The following SEMA5A variants were observed in gnomAD, a reference collection of about 807,000 sequenced individuals.
The protein encoded by SEMA5A is semaphorin-5A.
Under a neutral mutation model 135.5 loss-of-function variants are expected in SEMA5A, and 55 were observed. That is an observed-to-expected ratio of 0.41 (90% CI 0.33 to 0.51). The LOEUF is 0.51. Ranked by LOEUF, SEMA5A falls within the 20% of genes least tolerant of loss-of-function variation. The pLI is 0.37. For synonymous variants in SEMA5A, 580 were observed against 546.5 expected (o/e 1.06, Z -0.85); for missense variants, 1,290 against 1,419.9 (o/e 0.91, Z 1.47).
chr5:9,460,649 T>C (rs1006869687), intron 1 of SEMA5A, among the ~76,000 whole-genome samples: 1 of 152,172 alleles, frequency 6.6e-6, no homozygotes, highest in Non-Finnish European at 1.5e-5. Context: ...AAAATGATTT[T>C]CAGTCTTGAA....
chr5:9,157,372 G>C (rs1192688422), intron 11 of SEMA5A, among the ~76,000 whole-genome samples: 1 of 152,320 alleles, frequency 6.6e-6, no homozygotes, highest in East Asian at 1.9e-4. Context: ...TCAACCGTTA[G>C]GGACTGGAGA....
chr5:9,337,891 G>T, intron 3 of SEMA5A, 79 bp from the exon 4 acceptor site: 1 of 922,372 alleles, frequency 1.1e-6, no homozygotes, highest in Non-Finnish European at 1.6e-6. Flanking sequence ...TGCACATCAG[G>T]TAGCAGACGT....
At chr5:9,432,431 G>A (rs1422307718) in intron 2 of SEMA5A, among the ~76,000 whole-genome samples, 2 of 152,086 alleles carry the variant, frequency 1.3e-5, no homozygotes, top group Non-Finnish European at 2.9e-5. Context: ...AAGAAACACC[G>A]TCAGCAACTC....
At position 9,039,699 on chromosome 5, in the gene SEMA5A, G is replaced by C. The variant is rs1735854764; in HGVS notation, c.*3198C>G. ...TTCTGGAGGGAACGCCATGAGTCTG[G>C]AGACTGTGGCTCTTCTGTGCGGTGG... On this transcript the variant is annotated 3_prime_UTR_variant, in exon 23 of 23. Transcript: ENST00000382496. The C allele has an allele frequency of 6.6e-6, 1 of 152,252 alleles. No homozygotes were observed. Among genetic ancestry groups the C allele is most frequent in the African/African-American group, 2.4e-5 (1 of 41,452 alleles). The allele number at this position is 152,252 out of a possible 1,614,324, so 9.4% of individuals were successfully genotyped here. A position where few individuals can be genotyped will look rare whatever the true frequency, so the allele number is the denominator to read the frequency against.
chr5:9,224,708 G>A lies in SEMA5A; in HGVS notation c.612C>T (p.Leu204=). ...ATTTGGAGTTGTACTGCGCCGTGCG[G>A]AGAGGAGGTAAAATGCCTAGGCTTC... ...IYRSLGILPP[L]RTAQYNSKWL... is the part of the protein sequence containing the mutation. Residue 204 remains leucine, a synonymous_variant, in exon 8 of 23, where the codon CTC becomes CTT. Transcript: ENST00000382496. The A allele has an allele frequency of 6.2e-7, 1 of 1,614,198 alleles. No individual in the cohort carries two copies. Among genetic ancestry groups the A allele is most frequent in the Non-Finnish European group, 8.5e-7 (1 of 1,180,038 alleles).
In SEMA5A at chr5:9,379,869, A is replaced by G. The variant is rs202226955; in HGVS notation, c.78T>C (p.Gly26=). The G allele has an allele frequency of 8.7e-6, 14 of 1,613,030 alleles. No individual in the cohort carries two copies. The highest frequency in any genetic ancestry group is 1.2e-5 in the Non-Finnish European group (14 of 1,179,590). ...GCTCGGTTCTCTGGCACTGAGTCGT[A>G]CCCTGGGCCTCTGGGTGGGCGAGTC... The part of the protein sequence containing the change: ...LWRLAHPEAQ[G]TTQCQRTEHP... The change falls in exon 3 of 23, where the codon GGT becomes GGC. Residue 26 remains glycine, a synonymous_variant. Transcript: ENST00000382496.
intron 2 of SEMA5A, among the ~76,000 whole-genome samples, chr5:9,435,429 A>G (rs1367475078): frequency 1.3e-5 from 2 of 152,214 alleles, no homozygotes; most frequent in Non-Finnish European, 2.9e-5. Flanking sequence ...TGGGACTTAG[A>G]CTAACACATT....
In SEMA5A at chr5:9,119,006, G is replaced by A. The variant is rs747714402; in HGVS notation, c.1917C>T (p.Arg639=). ...GCAGGGTGGGCACGTACCTTTCCTC[G>A]CGGTTCTGTCCCACGCACACCCGGC... ...HGGRVCVGQN[R]EERYCNEHLL... is the part of the protein sequence containing the mutation. Residue 639 remains arginine, a synonymous_variant, in exon 15 of 23, where the codon CGC becomes CGT. Coordinates refer to ENST00000382496, the MANE Select transcript of SEMA5A (RefSeq NM_003966.3). 7 of 1,612,882 alleles carry A rather than the reference G, an allele frequency of 4.3e-6. No homozygotes were observed. Among genetic ancestry groups the A allele is most frequent in the South Asian group, 2.2e-5 (2 of 90,974 alleles).
intron 1 of SEMA5A, among the ~76,000 whole-genome samples, chr5:9,519,568 G>T (rs185840631): frequency 6.6e-6 from 1 of 152,310 alleles, no homozygotes; most frequent in African/African-American, 2.4e-5. Flanking sequence ...TAATGCTGAA[G>T]AAAGTCTTTT....
At position 9,115,099 on chromosome 5, in the gene SEMA5A, A is replaced by T. The variant is rs1014557993; in HGVS notation, c.1925+3899T>A. ...AATGTAGCTTTTGTTTAGTGGAGTA[A>T]CCTTGTAGAAATCCATTGAAGGCCC... On this transcript the variant is annotated intron_variant, in intron 15 of 22. Coordinates refer to ENST00000382496, the MANE Select transcript of SEMA5A (RefSeq NM_003966.3). 1.8e-4 allele frequency among the ~76,000 whole-genome samples: 27 copies of T among 152,320 alleles called. 1 individual carries two copies. The highest frequency in any genetic ancestry group is 1.6e-3 in the Admixed American group (24 of 15,296).
At chr5:9,203,987 G>C (rs1157249967) in intron 8 of SEMA5A, among the ~76,000 whole-genome samples, 1 of 151,814 alleles carries the variant, frequency 6.6e-6, no homozygotes, top group Non-Finnish European at 1.5e-5. Context: ...GGGTGGGGGG[G>C]TGTTAAGTCT....
chr5:9,301,691 T>C (rs41482053), intron 5 of SEMA5A, among the ~76,000 whole-genome samples: 8,997 of 152,146 alleles, frequency 0.059, 586 homozygotes, highest in East Asian at 0.16. Context: ...AGGCCACTGA[T>C]TAAGGGCACT....
chr5:9,209,919 A>C (rs1272764365), intron 8 of SEMA5A, among the ~76,000 whole-genome samples: 1 of 152,256 alleles, frequency 6.6e-6, no homozygotes. Flanking sequence ...AACATTAGTC[A>C]TCAGGCAAGG....
intron 17 of SEMA5A, among the ~76,000 whole-genome samples, chr5:9,065,447 C>T (rs937459879): frequency 3.3e-5 from 5 of 152,234 alleles, no homozygotes; most frequent in Non-Finnish European, 4.4e-5. Context: ...CACACCAGCT[C>T]GGTGGCACTT....
chr5:9,521,367 G>A (rs977653867), intron 1 of SEMA5A, among the ~76,000 whole-genome samples: 6 of 152,154 alleles, frequency 3.9e-5, no homozygotes, highest in African/African-American at 7.2e-5. Context: ...CGGAGATCAC[G>A]CCACTGCATT....
chr5:9,222,045 A>C (rs1385304545), intron 8 of SEMA5A, among the ~76,000 whole-genome samples: 1 of 152,208 alleles, frequency 6.6e-6, no homozygotes, highest in Non-Finnish European at 1.5e-5. Flanking sequence ...ACAGAAGCCA[A>C]GGGGTGGCCC....
intron 13 of SEMA5A, among the ~76,000 whole-genome samples, chr5:9,124,902 C>A (rs1741021809): frequency 1.3e-5 from 2 of 152,182 alleles, no homozygotes; most frequent in Non-Finnish European, 2.9e-5. Context: ...AGTTCTCTTC[C>A]AGAACCATCC....
intron 5 of SEMA5A, among the ~76,000 whole-genome samples, chr5:9,294,147 C>T (rs2150591691): frequency 6.6e-6 from 1 of 152,336 alleles, no homozygotes; most frequent in East Asian, 1.9e-4. Flanking sequence ...TCTTGTCTCC[C>T]TGTCTTTGAA....
intron 2 of SEMA5A, among the ~76,000 whole-genome samples, chr5:9,400,500 C>CTTTTTTTTTTTTTTTTTTTT (rs1176889691): frequency 1.2e-5 from 1 of 85,414 alleles, no homozygotes; most frequent in African/African-American, 4.8e-5. Flanking sequence ...ACACAATGTA[C>CTTTTTTTTTTTTTTTTTTTT]ATTTTTTTTT....
Sources: gnomAD v4.1 joint callset for allele counts (sites outside exome capture counted in the v4.1 genomes callset) on GRCh38, gnomAD v4.1.1 for gene constraint, MANE v1.5 for transcripts, NCBI Gene and HGNC (gene_info 2026-07-23, HGNC 2026-07-21) for gene names.